SORBS2: variants seen among roughly 807,000 people sequenced by gnomAD.
SORBS2 encodes sorbin and SH3 domain containing 2, also known as sorbin and SH3 domain-containing protein 2.
Under a neutral mutation model 97.7 loss-of-function variants are expected in SORBS2, and 46 were observed. The ratio of observed to expected loss-of-function variants is 0.47; its 90% CI spans 0.37 to 0.60. The LOEUF (loss-of-function observed/expected upper bound fraction) is 0.60. Ranked by LOEUF, SORBS2 falls within the 20% of genes least tolerant of loss-of-function variation. SORBS2 has a pLI of 0.00. For missense variants in SORBS2, 1,316 were observed against 1,282.3 expected, an observed-to-expected ratio of 1.03 and a Z score of -0.40; for synonymous variants, 476 against 473.4, an observed-to-expected ratio of 1.01 and a Z score of -0.07.
intron 4 of SORBS2, among the ~76,000 whole-genome samples, chr4:185,669,328 G>T (rs79423152): frequency 1.5e-4 from 23 of 152,304 alleles, no homozygotes; most frequent in African/African-American, 5.1e-4. Context: ...CAAGGCGGGC[G>T]TCATTGACCC....
At chr4:185,589,694 C>T (rs2095876093) in exon 14 of SORBS2, 3 of 1,607,802 alleles carry the variant, frequency 1.9e-6, no homozygotes, top group Non-Finnish European at 2.6e-6. Flanking sequence ...AACCAGCCGT[C>T]ATCACACTTT....
intron 1 of SORBS2, among the ~76,000 whole-genome samples, chr4:185,780,511 T>C (rs978047132): frequency 6.6e-6 from 1 of 151,924 alleles, no homozygotes; most frequent in Admixed American, 6.5e-5. Context: ...AGCCCATACA[T>C]TGAGTGACTT....
chr4:185,603,712 G>A (rs972405287), intron 12 of SORBS2, among the ~76,000 whole-genome samples: 7 of 152,124 alleles, frequency 4.6e-5, no homozygotes, highest in African/African-American at 1.7e-4. Context: ...TTTCAGTGAT[G>A]GACTAATTTC....
chr4:185,794,000 T>C (rs935224440), intron 1 of SORBS2, among the ~76,000 whole-genome samples: 3 of 152,202 alleles, frequency 2.0e-5, no homozygotes, highest in Admixed American at 6.5e-5. Flanking sequence ...TGGTGCAGAA[T>C]TGGAGGAGCC....
chr4:185,673,489 T>C (rs2097750514), intron 4 of SORBS2, among the ~76,000 whole-genome samples: 1 of 152,204 alleles, frequency 6.6e-6, no homozygotes, highest in East Asian at 1.9e-4. Flanking sequence ...GAAAATAATA[T>C]ATTTCTTTTT....
chr4:185,820,359 T>G (rs138228571), intron 1 of SORBS2, among the ~76,000 whole-genome samples: 14 of 152,350 alleles, frequency 9.2e-5, no homozygotes, highest in African/African-American at 3.4e-4. Flanking sequence ...TCCCGGCTGA[T>G]GTCCTCCCCT....
At chr4:185,837,386 T>A (rs2099208678) in intron 1 of SORBS2, among the ~76,000 whole-genome samples, 1 of 152,196 alleles carries the variant, frequency 6.6e-6, no homozygotes, top group African/African-American at 2.4e-5. Context: ...GCTTCTAGTG[T>A]TTTTCACATT....
At chr4:185,763,406 A>C (rs1272892164) in intron 2 of SORBS2, among the ~76,000 whole-genome samples, 2 of 152,066 alleles carry the variant, frequency 1.3e-5, no homozygotes, top group Non-Finnish European at 2.9e-5. Context: ...ATTCTCCTCC[A>C]ATCACCTGCC....
chr4:185,872,468 C>T lies in SORBS2; in HGVS notation c.-338+83728G>A, dbSNP rs866962354. Among the ~76,000 whole-genome samples, 15 of 152,228 alleles carry T rather than the reference C, an allele frequency of 9.9e-5. No individual in the cohort carries two copies. The South Asian group carries it at 1.2e-3, about 13-fold the overall frequency. ...CAAGATGCACGTGCCAACATCTGTG[C>T]GCGTGGAATGCACTAAATATCAGTA... is the stretch of plus-strand genomic sequence containing the variant. On this transcript the variant is annotated intron_variant, in intron 1 of 20. Coordinates refer to the SORBS2 transcript ENST00000284776.
chr4:185,829,275 G>A (rs2099203792), intron 1 of SORBS2, among the ~76,000 whole-genome samples: 1 of 152,150 alleles, frequency 6.6e-6, no homozygotes, highest in Non-Finnish European at 1.5e-5. Flanking sequence ...GATGTGGTTG[G>A]CAAATCAAGC....
chr4:185,615,314 C>A (rs1026810479), intron 9 of SORBS2, 155 bp from the exon 22 acceptor site: 18 of 607,132 alleles, frequency 3.0e-5, no homozygotes, highest in Non-Finnish European at 5.0e-5. Flanking sequence ...ATGATCCTTG[C>A]AAATTCTTAG....
intron 2 of SORBS2, among the ~76,000 whole-genome samples, chr4:185,712,673 C>T (rs1226251835): frequency 2.0e-5 from 3 of 152,196 alleles, no homozygotes; most frequent in Admixed American, 6.5e-5. Flanking sequence ...CCTGGATGCT[C>T]GAACGGGGAC....
intron 1 of SORBS2, among the ~76,000 whole-genome samples, chr4:185,903,142 A>G (rs1234044663): frequency 6.6e-6 from 1 of 152,234 alleles, no homozygotes; most frequent in African/African-American, 2.4e-5. Flanking sequence ...CACTGAAAGA[A>G]ACACAACTAA....
At chr4:185,695,613 A>G (rs773845429) in intron 2 of SORBS2, among the ~76,000 whole-genome samples, 1 of 152,078 alleles carries the variant, frequency 6.6e-6, no homozygotes, top group East Asian at 1.9e-4. Context: ...TTGAAATGGG[A>G]TCATTTGTAG....
intron 4 of SORBS2, among the ~76,000 whole-genome samples, chr4:185,662,478 A>T (rs1343666399): frequency 6.6e-6 from 1 of 152,228 alleles, no homozygotes. Context: ...GTTAGGAAGA[A>T]TGAAAGTGGC....
chr4:185,606,325 T>G lies in SORBS2; in HGVS notation c.2796+5455A>C, dbSNP rs1394932372. The stretch of plus-strand genomic sequence containing the variant: ...ATATTGGAAGATTACAAAGACTATA[T>G]CAATTACAAAGACTTTTACAATATA... On this transcript the variant is annotated intron_variant, in intron 12 of 14. Transcript: ENST00000418609. The surrounding 1 kb of genome is among the most constrained non-coding windows in gnomAD (Gnocchi z 4.3). 1 of 973,560 alleles carries G rather than the reference T, an allele frequency of 1.0e-6. No homozygotes were observed. Among genetic ancestry groups the G allele is most frequent in the African/African-American group, 1.8e-5 (1 of 56,972 alleles). The allele number at this position is 973,560 out of a possible 1,614,324, so 60.3% of individuals were successfully genotyped here.
At chr4:185,868,626 G>A (rs528684953) in intron 1 of SORBS2, among the ~76,000 whole-genome samples, 15 of 152,156 alleles carry the variant, frequency 9.9e-5, no homozygotes, top group South Asian at 2.1e-4. Context: ...TAAGCACCAC[G>A]TTTTTTGTGC....
chr4:185,920,931 C>T (rs80242906), intron 1 of SORBS2, among the ~76,000 whole-genome samples: 3,493 of 152,226 alleles, frequency 0.023, 106 homozygotes, highest in East Asian at 0.14. Flanking sequence ...GTGATCCATT[C>T]AATAAGATGT....
intron 2 of SORBS2, among the ~76,000 whole-genome samples, chr4:185,711,083 C>T (rs1011771833): frequency 7.9e-5 from 12 of 152,150 alleles, no homozygotes; most frequent in Non-Finnish European, 1.6e-4. Context: ...GACCCTCCCA[C>T]CTCAGCCTCT....
Sources: allele counts gnomAD v4.1 joint callset (sites outside exome capture counted in the v4.1 genomes callset), GRCh38; gene constraint gnomAD v4.1.1; non-coding constraint Gnocchi (gnomAD v3.1); transcripts MANE v1.5; gene names NCBI Gene and HGNC (gene_info 2026-07-23, HGNC 2026-07-21).